The following GBA1 variants were observed in gnomAD, a reference collection of about 807,000 sequenced individuals.
The protein encoded by GBA1 is lysosomal acid glucosylceramidase.
the GBA1 span, chr1:155,235,781 G>C: frequency 6.2e-7 from 1 of 1,614,226 alleles, no homozygotes; most frequent in Non-Finnish European, 8.5e-7. Flanking sequence ...ACCCAATTGG[G>C]TCCTCCTTCG....
the GBA1 span, chr1:155,241,251 G>A: frequency 6.4e-6 from 5 of 779,886 alleles, no homozygotes; most frequent in South Asian, 7.3e-5. Context: ...AGTAATTCCG[G>A]CTTCCCGATG....
At chr1:155,236,558 C>T in the GBA1 span, 127 of 1,042,170 alleles carry the variant, frequency 1.2e-4, no homozygotes, top group Middle Eastern at 1.4e-3. Flanking sequence ...AGTTGGGTGA[C>T]GGGAAGAATG....
chr1:155,236,318 G>A, the GBA1 span: 3 of 1,614,060 alleles, frequency 1.9e-6, no homozygotes, highest in African/African-American at 4.0e-5. Context: ...CCAGAACTTG[G>A]AGCCCACACA....
At chr1:155,240,190 G>T in the GBA1 span, 1 of 949,974 alleles carries the variant, frequency 1.1e-6, no homozygotes, top group South Asian at 1.5e-5. Flanking sequence ...TTGGCCGGGC[G>T]CAGGGGCTCA....
the GBA1 span, among the ~76,000 whole-genome samples, chr1:155,242,059 C>T: frequency 6.6e-6 from 1 of 152,190 alleles, no homozygotes; most frequent in African/African-American, 2.4e-5. Context: ...GAGTGGCACA[C>T]ACAGTCATGA....
the GBA1 span, among the ~76,000 whole-genome samples, chr1:155,236,878 G>GT: frequency 6.6e-6 from 1 of 151,564 alleles, no homozygotes; most frequent in Non-Finnish European, 1.5e-5. Flanking sequence ...GTTTTGTTTT[G>GT]TTTCGAGATG....
chr1:155,242,650 T>C, the GBA1 span, among the ~76,000 whole-genome samples: 1 of 151,720 alleles, frequency 6.6e-6, no homozygotes, highest in East Asian at 1.9e-4. Flanking sequence ...AGACAGAGTC[T>C]TGCCCTGTTG....
the GBA1 span, chr1:155,235,396 C>T: frequency 6.4e-7 from 1 of 1,574,640 alleles, no homozygotes; most frequent in South Asian, 1.2e-5. Flanking sequence ...CACGGACCCA[C>T]CCCATAACTC....
At chr1:155,238,045 G>C in the GBA1 span, 34 of 1,386,898 alleles carry the variant, frequency 2.5e-5, no homozygotes, top group Non-Finnish European at 3.5e-5. Context: ...GGCAGATCTG[G>C]AAGTGGAACT....
chr1:155,239,004 G>A, the GBA1 span: 1 of 349,742 alleles, frequency 2.9e-6, no homozygotes, highest in Non-Finnish European at 5.6e-6. Context: ...AGATCACGAG[G>A]TCAGGAGTTC....
the GBA1 span, chr1:155,236,280 C>T: frequency 6.2e-7 from 1 of 1,614,128 alleles, no homozygotes. Flanking sequence ...ATCCCTCGAT[C>T]CCAGGAGCCT....
At chr1:155,238,056 A>C in the GBA1 span, 1 of 1,454,340 alleles carries the variant, frequency 6.9e-7, no homozygotes, top group South Asian at 1.1e-5. Flanking sequence ...AAGTGGAACT[A>C]GGTTGAGGGT....
At chr1:155,236,539 G>T in the GBA1 span, 2 of 1,269,852 alleles carry the variant, frequency 1.6e-6, no homozygotes, top group Non-Finnish European at 2.3e-6. Context: ...CCTGTTGTAG[G>T]AATCCTGGAG....
At chr1:155,235,853 A>G in the GBA1 span, 2 of 1,614,134 alleles carry the variant, frequency 1.2e-6, no homozygotes, top group Non-Finnish European at 1.7e-6. Flanking sequence ...TTCTAGGGTA[A>G]GGACAAAGGC....
chr1:155,239,752 C>A, the GBA1 span: 32 of 1,614,038 alleles, frequency 2.0e-5, no homozygotes, highest in South Asian at 3.5e-4. Flanking sequence ...GCTGCAGGGT[C>A]AGTAGCAGGC....
the GBA1 span, chr1:155,239,582 T>TG: frequency 1.9e-6 from 3 of 1,613,154 alleles, no homozygotes; most frequent in Non-Finnish European, 2.5e-6. Flanking sequence ...AAAGTTTCAA[T>TG]GGCTCTATGT....
At chr1:155,239,872 G>A in the GBA1 span, 5 of 1,614,024 alleles carry the variant, frequency 3.1e-6, no homozygotes, top group Non-Finnish European at 4.2e-6. Flanking sequence ...GGGGGTGAGG[G>A]GTGTAATGGT....
the GBA1 span, chr1:155,235,275 C>T: frequency 6.2e-7 from 1 of 1,613,852 alleles, no homozygotes; most frequent in African/African-American, 1.3e-5. Context: ...GACTGGCAAC[C>T]AGCCCCACTC....
the GBA1 span, among the ~76,000 whole-genome samples, chr1:155,242,619 AT>A: frequency 6.3e-4 from 90 of 141,978 alleles, no homozygotes; most frequent in Middle Eastern, 4.0e-3. Flanking sequence ...TCCTCCAGTA[AT>A]TTTTTTTTTT....
Sources: allele counts gnomAD v4.1 joint callset (sites outside exome capture counted in the v4.1 genomes callset), GRCh38; gene constraint gnomAD v4.1.1; transcripts MANE v1.5; gene names NCBI Gene and HGNC (gene_info 2026-07-23, HGNC 2026-07-21).